The following ADNP variants were observed in gnomAD, a reference collection of about 807,000 sequenced individuals.
The protein encoded by ADNP is activity-dependent neuroprotector homeobox protein.
ADNP carries 4 observed loss-of-function variants against 84.9 expected under a neutral mutation model. That is an observed-to-expected ratio of 0.05 (90% confidence interval 0.02 to 0.11). The LOEUF (loss-of-function observed/expected upper bound fraction) is 0.11. Among genes scored for constraint, ADNP ranks in the 10% least tolerant of loss-of-function variants. The pLI, the probability that ADNP is intolerant of heterozygous loss-of-function variation, is 1.00. For missense variants in ADNP, 1,132 were observed against 1,326.0 expected, an observed-to-expected ratio of 0.85 and a Z score of 2.27; for synonymous variants, 554 against 468.1, an observed-to-expected ratio of 1.18 and a Z score of -2.37.
At chr20:50,920,147 TGC>T (rs1335915117) in intron 2 of ADNP, among the ~76,000 whole-genome samples, 1 of 147,928 alleles carries the variant, frequency 6.8e-6, no homozygotes, top group Admixed American at 6.8e-5. Context: ...CGTGGTGGTG[TGC>T]GCCTGTAATC....
rs1337309464 is a variant in ADNP at position 50,893,658 on chromosome 20, A to C, written c.1056T>G (p.Gly352=). The part of the protein sequence containing the change: ...SVGQSMRLGL[G]GNAPVSIPQQ... ...GAGGAATGGAAACTGGTGCGTTGCCACCTAGACCCAGTCTCATTGACTGAC... is the reference window on the plus strand; with the variant it reads ...GAGGAATGGAAACTGGTGCGTTGCCCCCTAGACCCAGTCTCATTGACTGAC... Residue 352 remains glycine (G), a synonymous_variant, in exon 6 of 6, where the codon GGT becomes GGG. Transcript: ENST00000621696. This position sits in a 1 kb window ranked among gnomAD's most constrained non-coding sequence, Gnocchi z 4.4. 6.2e-7 allele frequency: 1 copy of C among 1,614,038 alleles called. No individual in the cohort carries two copies. The highest frequency in any genetic ancestry group is 1.3e-5 in the African/African-American group (1 of 74,908).
intron 2 of ADNP, among the ~76,000 whole-genome samples, chr20:50,923,392 G>A (rs1984082002): frequency 6.6e-6 from 1 of 152,180 alleles, no homozygotes. Flanking sequence ...CCATTTCCCA[G>A]GATCAAGGCT....
intron 2 of ADNP, among the ~76,000 whole-genome samples, chr20:50,919,174 A>C (rs1423834359): frequency 6.6e-6 from 1 of 151,972 alleles, no homozygotes; most frequent in African/African-American, 2.4e-5. Flanking sequence ...GCAGCAGGAC[A>C]AGGGTGCCAT....
chr20:50,921,261 G>A (rs564813165), intron 2 of ADNP, among the ~76,000 whole-genome samples: 2 of 152,306 alleles, frequency 1.3e-5, no homozygotes, highest in South Asian at 4.1e-4. Flanking sequence ...AACAACATCT[G>A]TTCCTGTACA....
chr20:50,916,510 T>C (rs1384997850), intron 2 of ADNP, among the ~76,000 whole-genome samples: 1 of 152,186 alleles, frequency 6.6e-6, no homozygotes, highest in Admixed American at 6.5e-5. Flanking sequence ...CATGATCTCA[T>C]AGGCCACTCT....
At chr20:50,926,410 T>G (rs989713490) in intron 2 of ADNP, among the ~76,000 whole-genome samples, 2 of 152,224 alleles carry the variant, frequency 1.3e-5, no homozygotes, top group Non-Finnish European at 2.9e-5. Context: ...ACCACAATAA[T>G]GCTTCTAATG....
At chr20:50,919,249 C>T (rs1001910809) in intron 2 of ADNP, among the ~76,000 whole-genome samples, 18 of 146,944 alleles carry the variant, frequency 1.2e-4, no homozygotes, top group South Asian at 2.1e-4. Flanking sequence ...TGCTTGAGCC[C>T]AAGAGTTCAA....
In ADNP at chr20:50,891,434, C is replaced by T. The variant is rs1422234490; in HGVS notation, c.3280G>A (p.Gly1094Arg). Residue 1094 changes from glycine (G) to arginine (R), a missense_variant, in exon 6 of 6, where the codon GGA becomes AGA. Around this residue, in one of 10 missense-constraint regions of ADNP, gnomAD observed 381 missense variants for 319.9 expected, o/e 1.19. Transcript: ENST00000621696. ...VAEPMHGSLA[G>R]VKLSSQQA The stretch of plus-strand genomic sequence containing the variant: ...GCCTGTTGGCTGCTCAGTTTAACTC[C>T]GGCTAAGCTGCCATGCATGGGCTCA... 4.3e-6 allele frequency: 7 copies of T among 1,610,510 alleles called. No homozygotes were observed. Among genetic ancestry groups the T allele is most frequent in the Admixed American group, 3.3e-5 (2 of 59,838 alleles).
rs887651865 is a variant in ADNP, at chr20:50,894,593, T to C, written c.202-81A>G. The C allele has an allele frequency of 1.7e-5, 25 of 1,446,558 alleles. No individual in the cohort carries two copies. The South Asian group carries it at 3.2e-4, about 19-fold the overall frequency. 89.6% of individuals were successfully genotyped at this position (1,446,558 alleles called of 1,614,324 possible). ...GATTCCAGATCCCCCCCGGATATTC[T>C]TAATAATGCATTGATTTTAGGCCGC... On this transcript the variant is annotated intron_variant, in intron 5 of 5. Transcript: ENST00000621696.
Position 50,893,695 on chromosome 20 carries a change from C to T in ADNP, c.1019G>A (p.Gly340Asp), listed in dbSNP as rs750105424. The T allele has an allele frequency of 1.2e-6, 2 of 1,614,050 alleles. No individual in the cohort carries two copies. The highest frequency in any genetic ancestry group is 1.7e-6 in the Non-Finnish European group (2 of 1,180,024). Reference sequence around the variant, plus strand: ...TCTCATTGACTGACCAACACTGTAACCCTGGCCTACAGATTTGACTCCATA... The same window carrying T: ...TCTCATTGACTGACCAACACTGTAATCCTGGCCTACAGATTTGACTCCATA... ...NNYGVKSVGQ[G>D]YSVGQSMRLG... The change falls in exon 6 of 6, where the codon GGT becomes GAT. Residue 340 changes from glycine to aspartate, a missense_variant. Coordinates refer to ENST00000621696, the MANE Select transcript of ADNP (RefSeq NM_001282531.3). The surrounding 1 kb of genome is among the most constrained non-coding windows in gnomAD (Gnocchi z 4.4).
At position 50,930,842 on chromosome 20, in the gene ADNP, G is replaced by C. The variant is rs1341951742; in HGVS notation, c.-281C>G. ...CGGGCTTACCTTGACTCGGCCTCGA[G>C]GCGCGCGCGGGGCCGGCGTGCTCGG... On this transcript the variant is annotated 5_prime_UTR_variant, in exon 1 of 6. Coordinates refer to ENST00000621696, the MANE Select transcript of ADNP (RefSeq NM_001282531.3). The C allele has an allele frequency of 6.8e-6, 1 of 147,404 alleles. No homozygotes were observed. The highest frequency in any genetic ancestry group is 1.5e-5 in the Non-Finnish European group (1 of 66,010). The allele number at this position is 147,404 out of a possible 1,614,324, so 9.1% of individuals were successfully genotyped here.
chr20:50,901,104 T>C (rs2122817307), intron 5 of ADNP, among the ~76,000 whole-genome samples: 1 of 152,266 alleles, frequency 6.6e-6, no homozygotes, highest in Middle Eastern at 3.4e-3. Flanking sequence ...ACTGACATGC[T>C]TGGTAAGAGA....
intron 2 of ADNP, among the ~76,000 whole-genome samples, chr20:50,922,431 T>C (rs1156987075): frequency 6.6e-6 from 1 of 152,092 alleles, no homozygotes; most frequent in African/African-American, 2.4e-5. Flanking sequence ...TCACAAAACT[T>C]GGGGAAACAC....
chr20:50,914,962 C>G (rs1191676101), intron 2 of ADNP, among the ~76,000 whole-genome samples: 1 of 149,728 alleles, frequency 6.7e-6, no homozygotes, highest in Non-Finnish European at 1.5e-5. Context: ...AAACAACTTC[C>G]CATGTACACG....
chr20:50,917,613 T>C (rs900277245), intron 2 of ADNP, among the ~76,000 whole-genome samples: 3 of 152,202 alleles, frequency 2.0e-5, no homozygotes, highest in Non-Finnish European at 2.9e-5. Flanking sequence ...AACTAGACGC[T>C]TCCTTTTTTT....
rs1980559933 is a variant in ADNP, at chr20:50,890,389, A to C, written c.*1016T>G. 6.6e-6 allele frequency: 1 copy of C among 152,374 alleles called. No individual in the cohort carries two copies. The highest frequency in any genetic ancestry group is 1.5e-5 in the Non-Finnish European group (1 of 68,106). The allele number at this position is 152,374 out of a possible 1,614,324, so 9.4% of individuals were successfully genotyped here. A position where few individuals can be genotyped will look rare whatever the true frequency, so the allele number is the denominator to read the frequency against. On this transcript the variant is annotated 3_prime_UTR_variant, in exon 6 of 6. Coordinates refer to ENST00000621696, the MANE Select transcript of ADNP (RefSeq NM_001282531.3). The stretch of plus-strand genomic sequence containing the variant: ...CAATTTATTTAGATGCTTAAAATGA[A>C]TACAAAGGGAAAATAAAGATCACAA...
At chr20:50,914,227 C>A in intron 2 of ADNP, 1 of 747,828 alleles carries the variant, frequency 1.3e-6, no homozygotes, top group Non-Finnish European at 2.4e-6. Flanking sequence ...CACAATCATC[C>A]AAGACACTGA....
chr20:50,895,560 A>AAT (rs1213557564), intron 5 of ADNP, among the ~76,000 whole-genome samples: 2 of 152,172 alleles, frequency 1.3e-5, no homozygotes, highest in Non-Finnish European at 2.9e-5. Context: ...CTAAAAAAAA[A>AAT]ATTTTGAGAC....
intron 2 of ADNP, among the ~76,000 whole-genome samples, chr20:50,921,022 C>A (rs1420530847): frequency 1.3e-5 from 2 of 152,194 alleles, no homozygotes; most frequent in African/African-American, 4.8e-5. Context: ...TATTTAACCT[C>A]TAGAGGTCTG....
Sources: allele counts gnomAD v4.1 joint callset (sites outside exome capture counted in the v4.1 genomes callset), GRCh38; gene constraint gnomAD v4.1.1; regional missense constraint gnomAD v4.1.1; non-coding constraint Gnocchi (gnomAD v3.1); transcripts MANE v1.5; gene names NCBI Gene and HGNC (gene_info 2026-07-23, HGNC 2026-07-21).